Variants in GPATCH3 observed in about 807,000 individuals in gnomAD.
GPATCH3 encodes the protein G-patch domain containing 3.
Under a neutral mutation model 53.2 loss-of-function variants are expected in GPATCH3, and 45 were observed. The observed-to-expected ratio is 0.85, with a 90% CI of 0.67 to 1.08. The LOEUF (loss-of-function observed/expected upper bound fraction) is 1.08. Ranked by LOEUF, GPATCH3 falls within the 50% of genes least tolerant of loss-of-function variation. GPATCH3 has a pLI of 0.00. For synonymous variants in GPATCH3, 280 were observed against 270.6 expected (o/e 1.03, Z -0.34); for missense variants, 680 against 687.2 (o/e 0.99, Z 0.12).
At position 26,897,580 on chromosome 1, in the gene GPATCH3, C is replaced by T; in HGVS notation, c.597G>A (p.Leu199=). 6.2e-7 allele frequency: 1 copy of T among 1,614,230 alleles called. No individual in the cohort carries two copies. ...CCCGGATCAACTCCAAAAAGACCCG[C>T]AGGGGAGTCCCCACATTCCCTCTGG... The part of the protein sequence containing the change: ...LMPRGNVGTP[L]RVFLELIRAC... The change falls in exon 2 of 7, where the codon CTG becomes CTA. Residue 199 remains leucine (L), a synonymous_variant. Transcript: ENST00000361720.
chr1:26,891,349 G>A (rs1570697560), intron 6 of GPATCH3, 123 bp from the exon 7 acceptor site: 4 of 716,578 alleles, frequency 5.6e-6, no homozygotes, highest in African/African-American at 3.6e-5. Context: ...TTTAAATCTG[G>A]GTCTTTGTTC....
chr1:26,891,984 G>A (rs1407742907), intron 6 of GPATCH3, among the ~76,000 whole-genome samples: 1 of 152,172 alleles, frequency 6.6e-6, no homozygotes, highest in African/African-American at 2.4e-5. Flanking sequence ...TAGGATTACA[G>A]GCATGAGCCA....
Position 26,891,223 on chromosome 1 carries a change from G to GTA in GPATCH3, c.1363_1364dup (p.His456ThrfsTer12). 6.2e-7 allele frequency: 1 copy of GTA among 1,610,462 alleles called. No individual in the cohort carries two copies. On this transcript the variant is annotated frameshift_variant, in exon 7 of 7. Coordinates refer to ENST00000361720, the MANE Select transcript of GPATCH3 (RefSeq NM_022078.3). LOFTEE classifies it high-confidence loss of function. ...CAAATGGCTGTAGCTTCTCTCCATG[G>GTA]TACCTGGATAAAAACGGGCTCTCAG... is the stretch of plus-strand genomic sequence containing the variant.
At chr1:26,893,947 G>T (rs1334154532) in intron 3 of GPATCH3, among the ~76,000 whole-genome samples, 2 of 151,814 alleles carry the variant, frequency 1.3e-5, no homozygotes, top group Non-Finnish European at 2.9e-5. Flanking sequence ...CTCTTAAGTA[G>T]TTCGGACTAC....
intron 2 of GPATCH3, 22 bp downstream of exon 2, chr1:26,897,278 AC>A: frequency 6.2e-7 from 1 of 1,604,108 alleles, no homozygotes; most frequent in Non-Finnish European, 8.5e-7. Context: ...GCCAGCAAGG[AC>A]AGGGTAGCAC....
chr1:26,896,694 C>T (rs1005080476), intron 2 of GPATCH3, among the ~76,000 whole-genome samples: 6 of 142,948 alleles, frequency 4.2e-5, no homozygotes, highest in African/African-American at 1.6e-4. Flanking sequence ...CAGTGAGACT[C>T]TGTCTCAAAA....
At chr1:26,895,727 T>TC (rs1346808799) in intron 2 of GPATCH3, among the ~76,000 whole-genome samples, 11 of 151,458 alleles carry the variant, frequency 7.3e-5, no homozygotes, top group African/African-American at 2.4e-4. Context: ...AACCTCCACC[T>TC]CCTGGCTTCA....
chr1:26,890,571 G>A lies in GPATCH3; in HGVS notation c.*439C>T. 2.9e-6 allele frequency: 1 copy of A among 339,020 alleles called. No homozygotes were observed. The allele number at this position is 339,020 out of a possible 1,614,324, so 21.0% of individuals were successfully genotyped here. On this transcript the variant is annotated 3_prime_UTR_variant, in exon 7 of 7. Transcript: ENST00000361720. ...GACTCTCCGCTGGCAGTCCCACCCAGTGAGGGTAGAGGCGGTGGAGGGCCC... is the reference window on the plus strand; with the variant it reads ...GACTCTCCGCTGGCAGTCCCACCCAATGAGGGTAGAGGCGGTGGAGGGCCC...
In GPATCH3 at chr1:26,890,966, G is replaced by T. The variant is rs772975044; in HGVS notation, c.*44C>A. 6.5e-7 allele frequency: 1 copy of T among 1,547,460 alleles called. No individual in the cohort carries two copies. The highest frequency in any genetic ancestry group is 1.4e-5 in the African/African-American group (1 of 73,666). ...TTCAGTGGTAGATGAGGCCAGGGCA[G>T]AGGGTTTTCATCATGTAGCTATGAA... On this transcript the variant is annotated 3_prime_UTR_variant, in exon 7 of 7. Transcript: ENST00000361720.
rs770771878 is a variant in GPATCH3 at position 26,892,808 on chromosome 1, C to G, written c.1112-17G>C. 75 of 1,612,850 alleles carry G rather than the reference C, an allele frequency of 4.7e-5. No individual in the cohort carries two copies. The Admixed American group carries it at 7.5e-4, about 16-fold the overall frequency. On this transcript the variant is annotated splice_polypyrimidine_tract_variant and intron_variant, in intron 4 of 6. Coordinates refer to ENST00000361720, the MANE Select transcript of GPATCH3 (RefSeq NM_022078.3). ...CTCCACCATCTGAGGAAACAGAGCT[C>G]AGTTTATGGAAGCGTCCCTCTCAAA...
rs1485444933 is a variant in GPATCH3 at position 26,897,654 on chromosome 1, G to A, written c.523C>T (p.Leu175=). 6.2e-7 allele frequency: 1 copy of A among 1,614,174 alleles called. No individual in the cohort carries two copies. Among genetic ancestry groups the A allele is most frequent in the Non-Finnish European group, 8.5e-7 (1 of 1,180,034 alleles). Residue 175 remains leucine, a synonymous_variant, in exon 2 of 7, where the codon CTG becomes TTG. Transcript: ENST00000361720. ...TCCGGCAGTTGCTTCAGGTCAGCCAGGGTGAAGGCTTCATTCTCTGCCTTC... is the reference window on the plus strand; with the variant it reads ...TCCGGCAGTTGCTTCAGGTCAGCCAAGGTGAAGGCTTCATTCTCTGCCTTC... The part of the protein sequence containing the change: ...SWKAENEAFT[L]ADLKQLPELN...
intron 6 of GPATCH3, 56 bp downstream of exon 6, chr1:26,892,355 A>T: frequency 6.3e-7 from 1 of 1,582,528 alleles, no homozygotes; most frequent in South Asian, 1.1e-5. Flanking sequence ...GAAGAGGGAA[A>T]CCAGGGCATA....
intron 4 of GPATCH3, among the ~76,000 whole-genome samples, chr1:26,893,176 C>CCCT (rs1266866913): frequency 6.6e-6 from 1 of 152,220 alleles, no homozygotes; most frequent in South Asian, 2.1e-4. Context: ...GGCTATCTAT[C>CCCT]CCTCCTCCTC....
At chr1:26,892,223 C>A (rs1427538616) in intron 6 of GPATCH3, among the ~76,000 whole-genome samples, 188 bp downstream of exon 6, 2 of 152,214 alleles carry the variant, frequency 1.3e-5, no homozygotes, top group Non-Finnish European at 2.9e-5. Context: ...ACCACTTCAG[C>A]CTCCCAAAGC....
At position 26,892,675 on chromosome 1, in the gene GPATCH3, T is replaced by C. The variant is rs940272173; in HGVS notation, c.1228A>G (p.Thr410Ala). The change falls in exon 5 of 7, where the codon ACC (threonine) becomes GCC (alanine). Residue 410 changes from threonine (T) to alanine (A), a missense_variant. By Grantham distance (58) the Thr-to-Ala change is moderately conservative. Coordinates refer to ENST00000361720, the MANE Select transcript of GPATCH3 (RefSeq NM_022078.3). Reference protein sequence around the residue: ...ERQVGTFERHTKGIGRKVMER... With the variant: ...ERQVGTFERHAKGIGRKVMER... ...TGGGCACAGTGCTAACTCACCTTGG[T>C]GTGGCGCTCAAAGGTGCCCACCTGG... is the stretch of plus-strand genomic sequence containing the variant. 7 of 1,614,058 alleles carry C rather than the reference T, an allele frequency of 4.3e-6. No homozygotes were observed. In the African/African-American group the frequency reaches 9.3e-5, roughly 22 times the overall value.
intron 1 of GPATCH3, among the ~76,000 whole-genome samples, chr1:26,899,332 A>G (rs2081964481): frequency 6.6e-6 from 1 of 151,568 alleles, no homozygotes; most frequent in African/African-American, 2.4e-5. Flanking sequence ...GACTGTTGAG[A>G]GGGGTAAGAA....
chr1:26,899,738 A>G (rs2081966578), intron 1 of GPATCH3, among the ~76,000 whole-genome samples: 1 of 152,224 alleles, frequency 6.6e-6, no homozygotes. Flanking sequence ...TTAGTGCAAA[A>G]TCAACCCCTT....
At position 26,897,357 on chromosome 1, in the gene GPATCH3, C is replaced by T; in HGVS notation, c.820G>A (p.Gly274Arg). 2 of 1,614,172 alleles carry T rather than the reference C, an allele frequency of 1.2e-6. No homozygotes were observed. Among genetic ancestry groups the T allele is most frequent in the Non-Finnish European group, 1.7e-6 (2 of 1,180,026 alleles). The change falls in exon 2 of 7, where the codon GGA becomes AGA. Residue 274 changes from glycine to arginine, a missense_variant. Coordinates refer to ENST00000361720, the MANE Select transcript of GPATCH3 (RefSeq NM_022078.3). ...TTCCCCACTTCTTCCTCAGGCTCTC[C>T]ACAGGGGCTGGCTGGTATATCTGCC... ...YLADIPASPC[G>R]EPEEEVGKEE... is the part of the protein sequence containing the mutation.
Position 26,893,430 on chromosome 1 carries a change from G to A in GPATCH3, c.1070C>T (p.Ala357Val), listed in dbSNP as rs751654762. 1.2e-6 allele frequency: 2 copies of A among 1,613,008 alleles called. No homozygotes were observed. Among genetic ancestry groups the A allele is most frequent in the South Asian group, 1.1e-5 (1 of 91,060 alleles). Residue 357 changes from alanine to valine, a missense_variant, in exon 4 of 7, where the codon GCC (alanine) becomes GTC (valine). Coordinates refer to ENST00000361720, the MANE Select transcript of GPATCH3 (RefSeq NM_022078.3). Reference sequence around the variant, plus strand: ...ACTCATGTCCACATCCCAGTCATCGGCTGTCTGTTCATCAAAATCTGTAGG... The same window carrying A: ...ACTCATGTCCACATCCCAGTCATCGACTGTCTGTTCATCAAAATCTGTAGG... ...EEEGDFDEQTADDWDVDMSVY... is the reference protein window; with the variant it reads ...EEEGDFDEQTVDDWDVDMSVY...
Sources: allele counts gnomAD v4.1 joint callset (sites outside exome capture counted in the v4.1 genomes callset), GRCh38; gene constraint gnomAD v4.1.1; transcripts MANE v1.5; gene names NCBI Gene and HGNC (gene_info 2026-07-23, HGNC 2026-07-21).